RAB3GAP2: variants seen among roughly 807,000 people sequenced by gnomAD.
The protein encoded by RAB3GAP2 is rab3 GTPase-activating protein non-catalytic subunit.
In RAB3GAP2, 87 loss-of-function variants were observed where a neutral mutation model predicts 185.3. That is an observed-to-expected ratio of 0.47 (90% CI 0.39 to 0.56). The LOEUF (loss-of-function observed/expected upper bound fraction) is 0.56. Among genes scored for constraint, RAB3GAP2 ranks in the 20% least tolerant of loss-of-function variants. RAB3GAP2 has a pLI of 0.00. For missense variants in RAB3GAP2, 1,492 were observed against 1,638.2 expected (o/e 0.91, Z 1.54); for synonymous variants, 554 against 576.1 (o/e 0.96, Z 0.55).
At chr1:220,197,770 T>C (rs1223782409) in intron 9 of RAB3GAP2, among the ~76,000 whole-genome samples, 2 of 152,186 alleles carry the variant, frequency 1.3e-5, no homozygotes, top group Non-Finnish European at 1.5e-5. Flanking sequence ...TTGCAATAGA[T>C]ATGCAATTTT....
chr1:220,174,670 T>C (rs989596787), intron 21 of RAB3GAP2, among the ~76,000 whole-genome samples: 2 of 152,190 alleles, frequency 1.3e-5, no homozygotes, highest in African/African-American at 4.8e-5. Flanking sequence ...AACAAATATA[T>C]CTTCCATGCT....
rs755744178 is a variant in RAB3GAP2 at position 220,167,282 on chromosome 1, G to A, written c.3087+11C>T. ...GCAGAAATAACATGAAAGAGGTAAC[G>A]AGAATCTTACCTCTGGATCTTTATT... On this transcript the variant is annotated intron_variant, in intron 26 of 34. Transcript: ENST00000358951. The A allele has an allele frequency of 5.6e-6, 9 of 1,600,730 alleles. No individual in the cohort carries two copies. The highest frequency in any genetic ancestry group is 6.9e-6 in the Non-Finnish European group (8 of 1,167,838).
rs1016549517 is a variant in RAB3GAP2 at position 220,219,227 on chromosome 1, C to CAGAT, written c.181-5252_181-5249dup. 1.0e-3 allele frequency among the ~76,000 whole-genome samples: 152 copies of CAGAT among 152,302 alleles called. 1 individual carries two copies. The highest frequency in any genetic ancestry group is 3.5e-3 in the African/African-American group (147 of 41,566). ...AAGATCCTAGAACTGCTTGTCTGTA[C>CAGAT]AGATCAACAATCTCCTTCTTACACA... On this transcript the variant is annotated intron_variant, in intron 2 of 34. Coordinates refer to ENST00000358951, the MANE Select transcript of RAB3GAP2 (RefSeq NM_012414.4).
At chr1:220,182,006 C>T (rs1658415405) in intron 21 of RAB3GAP2, among the ~76,000 whole-genome samples, 1 of 151,346 alleles carries the variant, frequency 6.6e-6, no homozygotes, top group South Asian at 2.1e-4. Flanking sequence ...TATACTCCAG[C>T]CTGGGTGACA....
chr1:220,151,364 T>C lies in RAB3GAP2; in HGVS notation c.4069A>G (p.Thr1357Ala), dbSNP rs1463010426. The stretch of plus-strand genomic sequence containing the variant: ...ATTACTTTATTTACTAGTTTAGCTG[T>C]TGTTGCAATTGGCACTTCAGTGTTT... ...LQNTEVPIAT[T>A]AKLVNKVIEL... is the part of the protein sequence containing the mutation. Residue 1357 changes from threonine (T) to alanine (A), a missense_variant, in exon 35 of 35, where the codon ACA (threonine) becomes GCA (alanine). By Grantham distance (58) the Thr-to-Ala change is moderately conservative. Coordinates refer to ENST00000358951, the MANE Select transcript of RAB3GAP2 (RefSeq NM_012414.4). 1 of 1,614,200 alleles carries C rather than the reference T, an allele frequency of 6.2e-7. No individual in the cohort carries two copies. Among genetic ancestry groups the C allele is most frequent in the Non-Finnish European group, 8.5e-7 (1 of 1,180,020 alleles).
intron 2 of RAB3GAP2, among the ~76,000 whole-genome samples, chr1:220,229,340 A>G (rs1014747090): frequency 1.3e-5 from 2 of 152,196 alleles, no homozygotes; most frequent in African/African-American, 4.8e-5. Context: ...AGCTTGAAAA[A>G]CCAGAAATCA....
intron 1 of RAB3GAP2, among the ~76,000 whole-genome samples, chr1:220,271,931 G>A (rs1660342219): frequency 8.5e-6 from 1 of 117,686 alleles, no homozygotes; most frequent in Non-Finnish European, 1.7e-5. Context: ...TGTGGGGGTG[G>A]GGGGAGGGAG....
chr1:220,251,703 T>C (rs1379896108), intron 1 of RAB3GAP2, among the ~76,000 whole-genome samples: 1 of 152,216 alleles, frequency 6.6e-6, no homozygotes, highest in Non-Finnish European at 1.5e-5. Context: ...ATTTTTAGAG[T>C]AATTTGGCAA....
intron 2 of RAB3GAP2, 53 bp downstream of exon 2, chr1:220,232,746 A>G (rs1659524435): frequency 1.4e-6 from 2 of 1,446,176 alleles, no homozygotes; most frequent in Non-Finnish European, 1.9e-6. Flanking sequence ...CACCATCATT[A>G]CAAAAGGAAA....
intron 1 of RAB3GAP2, chr1:220,267,198 C>T: frequency 1.0e-6 from 1 of 954,430 alleles, no homozygotes; most frequent in Non-Finnish European, 1.7e-6. Context: ...GGGCACTTGC[C>T]AATTCTGTGA....
chr1:220,270,901 C>T (rs1216423502), intron 1 of RAB3GAP2, among the ~76,000 whole-genome samples: 6 of 152,210 alleles, frequency 3.9e-5, no homozygotes, highest in Non-Finnish European at 5.9e-5. Flanking sequence ...ACTACTGCCT[C>T]ATTGCCCCAA....
intron 1 of RAB3GAP2, among the ~76,000 whole-genome samples, chr1:220,247,320 A>G (rs1659838770): frequency 6.6e-6 from 1 of 152,236 alleles, no homozygotes; most frequent in Non-Finnish European, 1.5e-5. Context: ...TTATAGCAGC[A>G]CAATTCACAA....
rs1657796690 is a variant in RAB3GAP2 at position 220,153,308 on chromosome 1, T to C, written c.3744A>G (p.Lys1248=). 1 of 1,614,224 alleles carries C rather than the reference T, an allele frequency of 6.2e-7. No homozygotes were observed. Among genetic ancestry groups the C allele is most frequent in the Admixed American group, 1.7e-5 (1 of 60,030 alleles). The part of the protein sequence containing the change: ...TEEATPTPFG[K]DQDWPALAVD... The stretch of plus-strand genomic sequence containing the variant: ...CAGCTAGAGCTGGCCAATCTTGGTC[T>C]TTCCCAAAAGGAGTGGGTGTGGCCT... Residue 1248 remains lysine (K), a synonymous_variant, in exon 33 of 35, where the codon AAA becomes AAG. Coordinates refer to ENST00000358951, the MANE Select transcript of RAB3GAP2 (RefSeq NM_012414.4).
At chr1:220,185,262 T>C (rs1014293830) in intron 18 of RAB3GAP2, among the ~76,000 whole-genome samples, 1 of 152,248 alleles carries the variant, frequency 6.6e-6, no homozygotes, top group African/African-American at 2.4e-5. Flanking sequence ...ATTTTGAATA[T>C]CAAAAAATGA....
intron 26 of RAB3GAP2, 23 bp from the exon 27 acceptor site, chr1:220,164,822 C>A (rs1354267900): frequency 1.3e-6 from 2 of 1,594,168 alleles, no homozygotes; most frequent in Non-Finnish European, 1.7e-6. Context: ...GAGAAAAAAA[C>A]GAGAAAGAAA....
chr1:220,153,816 T>C, intron 32 of RAB3GAP2, 152 bp downstream of exon 32: 2 of 1,042,856 alleles, frequency 1.9e-6, no homozygotes, highest in South Asian at 1.6e-5. Flanking sequence ...GTGTTCTCAT[T>C]GTTCAACTCC....
intron 1 of RAB3GAP2, among the ~76,000 whole-genome samples, chr1:220,255,572 T>C (rs1304522385): frequency 6.6e-6 from 1 of 152,162 alleles, no homozygotes; most frequent in Non-Finnish European, 1.5e-5. Flanking sequence ...ACAGCCAGTT[T>C]AGAGAGGAAG....
intron 2 of RAB3GAP2, chr1:220,219,537 A>G (rs1233307255): frequency 2.0e-5 from 3 of 152,230 alleles, no homozygotes; most frequent in African/African-American, 7.2e-5. Flanking sequence ...GTCAGAATCC[A>G]TGAGAAAGAC....
chr1:220,269,028 A>C (rs1660284670), intron 1 of RAB3GAP2, among the ~76,000 whole-genome samples: 1 of 152,240 alleles, frequency 6.6e-6, no homozygotes, highest in Non-Finnish European at 1.5e-5. Flanking sequence ...ACCATACTGG[A>C]CAGTAGAAAT....
Sources: allele counts gnomAD v4.1 joint callset (sites outside exome capture counted in the v4.1 genomes callset), GRCh38; gene constraint gnomAD v4.1.1; transcripts MANE v1.5; gene names NCBI Gene and HGNC (gene_info 2026-07-23, HGNC 2026-07-21).